SLX9: variants seen among roughly 807,000 people sequenced by gnomAD.
The protein encoded by SLX9 is ribosome biogenesis protein SLX9 homolog.
Under a neutral mutation model 20.8 loss-of-function variants are expected in SLX9, and 19 were observed. The observed-to-expected ratio is 0.91, with a 90% CI of 0.64 to 1.34. The LOEUF is 1.34. SLX9 is among the 40% of genes most tolerant of loss of function. The pLI is 0.00. For missense variants in SLX9, 299 were observed against 322.2 expected (o/e 0.93, Z 0.55); for synonymous variants, 113 against 137.1 (o/e 0.82, Z 1.23).
chr21:44,939,825 T>C, upstream of SLX9: 1 of 557,946 alleles, frequency 1.8e-6, no homozygotes, highest in Admixed American at 3.2e-5. Context: ...ACTCGTTGTT[T>C]CTCGTGCTCC....
chr21:44,968,344 T>C (rs2085078782), intron 4 of SLX9, among the ~76,000 whole-genome samples: 1 of 152,248 alleles, frequency 6.6e-6, no homozygotes, highest in African/African-American at 2.4e-5. Context: ...TTGAGCCATT[T>C]GCCAGTGGCA....
At chr21:44,948,406 T>C (rs926356030) in intron 2 of SLX9, among the ~76,000 whole-genome samples, 5 of 151,720 alleles carry the variant, frequency 3.3e-5, no homozygotes, top group Non-Finnish European at 5.9e-5. Context: ...TCCGGGGAGC[T>C]GGTCGTGGAG....
intron 4 of SLX9, among the ~76,000 whole-genome samples, chr21:44,968,426 G>A (rs917670540): frequency 1.3e-5 from 2 of 152,242 alleles, no homozygotes; most frequent in African/African-American, 2.4e-5. Flanking sequence ...ACCCCAGGAC[G>A]GCTCAACCAG....
At chr21:44,957,241 G>A (rs1406260344) in intron 2 of SLX9, among the ~76,000 whole-genome samples, 1 of 152,234 alleles carries the variant, frequency 6.6e-6, no homozygotes, top group Admixed American at 6.5e-5. Flanking sequence ...GCAGGGCTGA[G>A]GCGGGGTCTT....
At chr21:44,970,289 G>T (rs2085119420) in intron 4 of SLX9, among the ~76,000 whole-genome samples, 1 of 152,244 alleles carries the variant, frequency 6.6e-6, no homozygotes, top group Non-Finnish European at 1.5e-5. Context: ...TGGACAGATG[G>T]ATGTTTAGTT....
intron 2 of SLX9, among the ~76,000 whole-genome samples, chr21:44,955,228 A>G (rs555285139): frequency 2.0e-5 from 3 of 147,564 alleles, no homozygotes; most frequent in African/African-American, 7.6e-5. Flanking sequence ...AAAAAGAAGT[A>G]AGAAAGCTTG....
intron 3 of SLX9, among the ~76,000 whole-genome samples, chr21:44,960,991 G>A (rs1414162396): frequency 6.6e-6 from 1 of 152,154 alleles, no homozygotes; most frequent in Non-Finnish European, 1.5e-5. Context: ...GAAAATGTAT[G>A]TTTTTCAGAG....
At chr21:44,974,966 G>T (rs2085236007) in intron 5 of SLX9, among the ~76,000 whole-genome samples, 2 of 152,298 alleles carry the variant, frequency 1.3e-5, no homozygotes, top group East Asian at 1.9e-4. Context: ...CCATGTCCTT[G>T]CGGTCGCGGC....
chr21:44,974,588 CA>C (rs1348374723), intron 5 of SLX9, among the ~76,000 whole-genome samples: 1 of 152,146 alleles, frequency 6.6e-6, no homozygotes, highest in African/African-American at 2.4e-5. Flanking sequence ...TTTTTAGAGA[CA>C]GTTCCTTGCT....
intron 4 of SLX9, chr21:44,969,305 G>T (rs1439222451): frequency 2.3e-6 from 1 of 432,712 alleles, no homozygotes; most frequent in African/African-American, 2.0e-5. Flanking sequence ...GAACATTCCT[G>T]GTTCTTGGAC....
At chr21:44,955,571 A>G (rs532300728) in intron 2 of SLX9, among the ~76,000 whole-genome samples, 1 of 152,192 alleles carries the variant, frequency 6.6e-6, no homozygotes, top group Admixed American at 6.5e-5. Flanking sequence ...GCTGGAGTGC[A>G]GTGGTACAAT....
chr21:44,946,446 G>T (rs979858372), intron 2 of SLX9, among the ~76,000 whole-genome samples: 2 of 150,454 alleles, frequency 1.3e-5, no homozygotes, highest in Non-Finnish European at 2.9e-5. Flanking sequence ...AATTATTTGA[G>T]CCGTGCGGCA....
chr21:44,951,079 G>A (rs2084748908), intron 2 of SLX9, among the ~76,000 whole-genome samples: 1 of 152,104 alleles, frequency 6.6e-6, no homozygotes, highest in Non-Finnish European at 1.5e-5. Flanking sequence ...TGATTTAAAG[G>A]CCTTAAAAAT....
chr21:44,972,816 GGC>G (rs1790392189), intron 4 of SLX9, among the ~76,000 whole-genome samples: 1 of 152,182 alleles, frequency 6.6e-6, no homozygotes, highest in Admixed American at 6.5e-5. Flanking sequence ...AGCCTGCCCT[GGC>G]CAGGCAGGTG....
At chr21:44,970,605 G>A (rs1182925974) in intron 4 of SLX9, among the ~76,000 whole-genome samples, 1 of 152,212 alleles carries the variant, frequency 6.6e-6, no homozygotes, top group African/African-American at 2.4e-5. Context: ...CGTGTCTCTG[G>A]GAACTGCATC....
chr21:44,958,847 G>A (rs1001082015), intron 2 of SLX9, among the ~76,000 whole-genome samples: 3 of 152,338 alleles, frequency 2.0e-5, no homozygotes, highest in East Asian at 1.9e-4. Context: ...GGCCAGAGCC[G>A]GGAAGGATCA....
At position 44,943,810 on chromosome 21, in the gene SLX9, G is replaced by T; in HGVS notation, c.256G>T (p.Ala86Ser). The part of the protein sequence containing the change: ...SVRRGEAGSS[A>S]RSVPSIRRGA... ...CAGGAGAGGTGAGGCAGGCTCGAGT[G>T]CACGGAGCGTCCCTTCCATCAGGAG... The change falls in exon 2 of 6, where the codon GCA becomes TCA. Residue 86 changes from alanine to serine, a missense_variant. Transcript: ENST00000291634. The T allele has an allele frequency of 6.2e-7, 1 of 1,613,158 alleles. No individual in the cohort carries two copies. The highest frequency in any genetic ancestry group is 8.5e-7 in the Non-Finnish European group (1 of 1,179,972).
intron 2 of SLX9, among the ~76,000 whole-genome samples, chr21:44,953,238 C>T (rs1259692711): frequency 1.3e-5 from 2 of 152,338 alleles, no homozygotes; most frequent in East Asian, 1.9e-4. Flanking sequence ...GGCGCGTGGC[C>T]GGCCTGTCAT....
intron 5 of SLX9, among the ~76,000 whole-genome samples, chr21:44,974,464 C>T (rs1876808341): frequency 6.6e-6 from 1 of 152,236 alleles, no homozygotes; most frequent in South Asian, 2.1e-4. Flanking sequence ...TATCTGTCTT[C>T]CATCTCATGT....
Sources: gnomAD v4.1 joint callset for allele counts (sites outside exome capture counted in the v4.1 genomes callset) on GRCh38, gnomAD v4.1.1 for gene constraint, MANE v1.5 for transcripts, NCBI Gene and HGNC (gene_info 2026-07-23, HGNC 2026-07-21) for gene names.